The following ZFHX3 variants were observed in gnomAD, a reference collection of about 807,000 sequenced individuals.
ZFHX3 encodes zinc finger homeobox 3, also known as zinc finger homeobox protein 3.
In ZFHX3, 42 loss-of-function variants were observed where a neutral mutation model predicts 279.1. The observed-to-expected ratio is 0.15, with a 90% CI of 0.12 to 0.19. ZFHX3 has a LOEUF of 0.19. Among genes scored for constraint, ZFHX3 ranks in the 10% least tolerant of loss-of-function variants. The pLI is 1.00. For missense variants in ZFHX3, 4,981 were observed against 4,754.0 expected, an observed-to-expected ratio of 1.05 and a Z score of -1.40; for synonymous variants, 2,293 against 1,957.8, an observed-to-expected ratio of 1.17 and a Z score of -4.52.
chr16:73,075,926 G>A (rs947216168), intron 8 of ZFHX3, among the ~76,000 whole-genome samples: 1 of 152,084 alleles, frequency 6.6e-6, no homozygotes, highest in Non-Finnish European at 1.5e-5. Context: ...CACCGCACCC[G>A]GCCAGCTTTT....
rs182970555 is a variant in ZFHX3, at chr16:73,606,785, A to G, written c.-1547+73395T>C. Among the ~76,000 whole-genome samples the G allele has an allele frequency of 3.0e-3, 462 of 152,032 alleles. 1 individual carries two copies. The highest frequency in any genetic ancestry group is 4.8e-3 in the Non-Finnish European group (329 of 67,974). ...GTGTGTTGTTTCCCCACATGTGTCC[A>G]TGTGTTCTCATTGGTCAGTTCCCAC... On this transcript the variant is annotated intron_variant, in intron 2 of 17. Transcript: ENST00000641206.
upstream of ZFHX3, chr16:73,060,217 T>C (rs1965663185): frequency 1.1e-5 from 1 of 90,606 alleles, no homozygotes; most frequent in Non-Finnish European, 2.1e-5. Context: ...ACCCCTTCCC[T>C]AATGCCAAAA....
intron 1 of ZFHX3, among the ~76,000 whole-genome samples, chr16:73,731,736 G>T (rs1374948447): frequency 2.6e-5 from 4 of 152,130 alleles, no homozygotes; most frequent in Non-Finnish European, 4.4e-5. Context: ...GGGACATTAT[G>T]TTCAAAATAA....
chr16:72,834,850 A>G (rs13332877), intron 4 of ZFHX3, among the ~76,000 whole-genome samples: 11,802 of 152,208 alleles, frequency 0.078, 1,199 homozygotes, highest in East Asian at 0.29. Context: ...AATGGGGGCC[A>G]AGTGACGTGT....
intron 2 of ZFHX3, among the ~76,000 whole-genome samples, chr16:73,584,523 G>A (rs2051902777): frequency 6.6e-6 from 1 of 152,128 alleles, no homozygotes; most frequent in African/African-American, 2.4e-5. Context: ...ACAGATAGTG[G>A]GGAAAAAATA....
At chr16:73,714,331 G>A (rs953798080) in intron 1 of ZFHX3, among the ~76,000 whole-genome samples, 3 of 152,114 alleles carry the variant, frequency 2.0e-5, no homozygotes, top group African/African-American at 7.2e-5. Context: ...CCAGCAGGGG[G>A]CAGATGTCAG....
At chr16:72,997,580 G>A (rs1963343279) in intron 1 of ZFHX3, among the ~76,000 whole-genome samples, 1 of 152,154 alleles carries the variant, frequency 6.6e-6, no homozygotes, top group South Asian at 2.1e-4. Context: ...GGGGTAATCT[G>A]AAAAGCAAAT....
chr16:73,659,814 T>C (rs1189831042), intron 2 of ZFHX3, among the ~76,000 whole-genome samples: 1 of 152,170 alleles, frequency 6.6e-6, no homozygotes, highest in Non-Finnish European at 1.5e-5. Flanking sequence ...AATACTTCGT[T>C]CAAGTTTCCT....
chr16:72,972,795 C>A (rs1459804192), intron 1 of ZFHX3, among the ~76,000 whole-genome samples: 1 of 152,142 alleles, frequency 6.6e-6, no homozygotes, highest in Non-Finnish European at 1.5e-5. Context: ...TCACTTCTGA[C>A]ATATTCTGGC....
chr16:73,841,398 G>T (rs1201125581), intron 1 of ZFHX3, among the ~76,000 whole-genome samples: 2 of 152,150 alleles, frequency 1.3e-5, no homozygotes, highest in African/African-American at 4.8e-5. Flanking sequence ...GACTGCAGGG[G>T]AGACATGGCG....
intron 3 of ZFHX3, among the ~76,000 whole-genome samples, chr16:73,398,665 C>T (rs548939404): frequency 2.6e-5 from 4 of 152,294 alleles, no homozygotes; most frequent in African/African-American, 7.2e-5. Context: ...TAATTTGTGT[C>T]CAGACTTATC....
At chr16:73,303,968 A>AG (rs1303563260) in intron 4 of ZFHX3, among the ~76,000 whole-genome samples, 2,413 of 122,116 alleles carry the variant, frequency 0.02, 41 homozygotes, top group South Asian at 0.07. Flanking sequence ...AGGTGGAAAA[A>AG]AAAAAAAAAA....
intron 2 of ZFHX3, among the ~76,000 whole-genome samples, chr16:73,565,000 C>A (rs137990982): frequency 6.6e-6 from 1 of 151,922 alleles, no homozygotes; most frequent in Admixed American, 6.5e-5. Context: ...TGCCTGTAAT[C>A]CTACCATTTT....
At chr16:72,883,186 G>A (rs1408939665) in intron 4 of ZFHX3, among the ~76,000 whole-genome samples, 1 of 151,946 alleles carries the variant, frequency 6.6e-6, no homozygotes, top group Non-Finnish European at 1.5e-5. Context: ...ATTGTTAGAG[G>A]ACTAATTAAG....
chr16:72,825,851 G>T (rs918626846), intron 5 of ZFHX3, among the ~76,000 whole-genome samples: 1 of 152,166 alleles, frequency 6.6e-6, no homozygotes, highest in Non-Finnish European at 1.5e-5. Context: ...GCCACACTTT[G>T]CAGGCTCAAT....
At chr16:72,919,563 G>GTT (rs34441310) in intron 3 of ZFHX3, among the ~76,000 whole-genome samples, 2,721 of 150,162 alleles carry the variant, frequency 0.018, 49 homozygotes, top group Non-Finnish European at 0.03. Context: ...GATCTGTTTT[G>GTT]TTTTTTTTTA....
chr16:73,545,894 C>T (rs2020100457), intron 2 of ZFHX3, among the ~76,000 whole-genome samples: 1 of 152,028 alleles, frequency 6.6e-6, no homozygotes, highest in Admixed American at 6.6e-5. Flanking sequence ...TTGCAGGGGA[C>T]AAACTCTGAA....
At chr16:73,308,279 T>TA (rs2015240606) in intron 4 of ZFHX3, among the ~76,000 whole-genome samples, 2 of 46,654 alleles carry the variant, frequency 4.3e-5, no homozygotes, top group African/African-American at 7.4e-5. Context: ...ATATATATAT[T>TA]TATTTATTTA....
intron 3 of ZFHX3, among the ~76,000 whole-genome samples, chr16:73,380,421 G>A (rs556338110): frequency 3.3e-5 from 5 of 152,206 alleles, no homozygotes; most frequent in African/African-American, 4.8e-5. Flanking sequence ...CTAGTGAAAC[G>A]CACTGACACA....
Sources: gnomAD v4.1 joint callset for allele counts (sites outside exome capture counted in the v4.1 genomes callset) on GRCh38, gnomAD v4.1.1 for gene constraint, MANE v1.5 for transcripts, NCBI Gene and HGNC (gene_info 2026-07-23, HGNC 2026-07-21) for gene names.